The following PLXDC2 variants were observed in gnomAD, a reference collection of about 807,000 sequenced individuals.
PLXDC2 encodes the protein plexin domain containing 2, also known as plexin domain-containing protein 2.
PLXDC2 carries 40 observed loss-of-function variants against 68.9 expected under a neutral mutation model. That is an observed-to-expected ratio of 0.58 (90% confidence interval 0.45 to 0.76). The LOEUF (loss-of-function observed/expected upper bound fraction) is 0.76. Among genes scored for constraint, PLXDC2 ranks in the 30% least tolerant of loss-of-function variants. The pLI is 0.00. For missense variants in PLXDC2, 644 were observed against 661.9 expected (o/e 0.97, Z 0.30); for synonymous variants, 243 against 234.2 (o/e 1.04, Z -0.34).
At chr10:19,883,868 T>C (rs1837785803) in intron 1 of PLXDC2, among the ~76,000 whole-genome samples, 1 of 142,696 alleles carries the variant, frequency 7.0e-6, no homozygotes, top group Admixed American at 7.0e-5. Flanking sequence ...TATTACTGTC[T>C]CCAGATCCCT....
intron 9 of PLXDC2, among the ~76,000 whole-genome samples, chr10:20,206,692 A>G (rs1000289227): frequency 6.6e-6 from 1 of 152,130 alleles, no homozygotes; most frequent in African/African-American, 2.4e-5. Context: ...CTGAGTTCCA[A>G]TTGCCAGAGA....
At chr10:20,068,987 A>G (rs1014033525) in intron 4 of PLXDC2, among the ~76,000 whole-genome samples, 2 of 152,092 alleles carry the variant, frequency 1.3e-5, no homozygotes, top group Admixed American at 6.6e-5. Flanking sequence ...GAAGAAGGAG[A>G]AAAACACATA....
intron 4 of PLXDC2, among the ~76,000 whole-genome samples, chr10:20,120,199 G>T (rs574737277): frequency 6.6e-6 from 1 of 152,154 alleles, no homozygotes; most frequent in Admixed American, 6.5e-5. Context: ...GTCTAAGTTG[G>T]TCTGGTGTCT....
At chr10:19,924,334 C>T (rs1355961919) in intron 1 of PLXDC2, among the ~76,000 whole-genome samples, 1 of 152,132 alleles carries the variant, frequency 6.6e-6, no homozygotes, top group Non-Finnish European at 1.5e-5. Flanking sequence ...TCGCAGCCTC[C>T]CATTCCCAAC....
intron 12 of PLXDC2, among the ~76,000 whole-genome samples, chr10:20,223,307 A>G (rs997072423): frequency 1.5e-5 from 2 of 129,400 alleles, no homozygotes; most frequent in Non-Finnish European, 3.2e-5. Context: ...CTTTCACAGA[A>G]TTGAATTTTT....
chr10:20,125,186 A>C (rs1457867953), intron 4 of PLXDC2, among the ~76,000 whole-genome samples: 2 of 151,962 alleles, frequency 1.3e-5, no homozygotes, highest in African/African-American at 4.8e-5. Context: ...ATCCACTGGC[A>C]CTTGAGAAGC....
rs1242476276 is a variant in PLXDC2, at chr10:20,288,453, C to T, written c.*8634C>T. ...GACCTTCTGTTGAACGTACCTGAGCCTGCAAATGTAAAAATGATTGTATCT... is the reference window on the plus strand; with the variant it reads ...GACCTTCTGTTGAACGTACCTGAGCTTGCAAATGTAAAAATGATTGTATCT... On this transcript the variant is annotated 3_prime_UTR_variant, in exon 14 of 14. Transcript: ENST00000377252. 6.6e-6 allele frequency: 1 copy of T among 151,928 alleles called. No individual in the cohort carries two copies. The highest frequency in any genetic ancestry group is 6.6e-5 in the Admixed American group (1 of 15,262). The allele number at this position is 151,928 out of a possible 1,614,324, so 9.4% of individuals were successfully genotyped here.
intron 1 of PLXDC2, among the ~76,000 whole-genome samples, chr10:19,844,933 G>A (rs1836978041): frequency 6.6e-6 from 1 of 152,114 alleles, no homozygotes; most frequent in Non-Finnish European, 1.5e-5. Flanking sequence ...ACAGGGTACT[G>A]GACATTGGAA....
intron 3 of PLXDC2, among the ~76,000 whole-genome samples, chr10:20,057,968 A>G (rs1426064770): frequency 1.3e-5 from 2 of 152,122 alleles, no homozygotes; most frequent in East Asian, 1.9e-4. Context: ...TTTTGTAACT[A>G]TTCTTTCATT....
At chr10:20,068,918 A>G (rs1273957223) in intron 4 of PLXDC2, among the ~76,000 whole-genome samples, 9 of 152,134 alleles carry the variant, frequency 5.9e-5, no homozygotes, top group Non-Finnish European at 7.4e-5. Context: ...AAGCGCTACT[A>G]GAAGCGATAA....
At chr10:19,977,311 C>T (rs1024903603) in intron 1 of PLXDC2, among the ~76,000 whole-genome samples, 5 of 152,178 alleles carry the variant, frequency 3.3e-5, no homozygotes, top group African/African-American at 1.2e-4. Context: ...TTGTTAGATG[C>T]AGAATCTCTG....
chr10:20,068,938 C>A, intron 4 of PLXDC2, among the ~76,000 whole-genome samples: 1 of 151,978 alleles, frequency 6.6e-6, no homozygotes, highest in African/African-American at 2.4e-5. Context: ...AGGAAAATGC[C>A]AGGGAATATC....
chr10:19,882,054 G>A (rs1013083779), intron 1 of PLXDC2, among the ~76,000 whole-genome samples: 3 of 152,166 alleles, frequency 2.0e-5, no homozygotes, highest in African/African-American at 7.2e-5. Context: ...ACATGTTTCT[G>A]GTAATGTTGA....
intron 1 of PLXDC2, among the ~76,000 whole-genome samples, chr10:19,908,542 C>T (rs1441281373): frequency 6.6e-6 from 1 of 152,068 alleles, no homozygotes; most frequent in Admixed American, 6.6e-5. Context: ...TTGTCCTTTG[C>T]TTGGAGCCCA....
chr10:20,282,333 C>T lies in PLXDC2; in HGVS notation c.*2514C>T, dbSNP rs1203023532. ...TTGTTCTTGTTCCCATGTGAGAAAA[C>T]ATACAGTTTCTGAAAATTCAAAATG... On this transcript the variant is annotated 3_prime_UTR_variant, in exon 14 of 14. Coordinates refer to ENST00000377252, the MANE Select transcript of PLXDC2 (RefSeq NM_032812.9). 6.6e-6 allele frequency: 1 copy of T among 152,058 alleles called. No individual in the cohort carries two copies. Among genetic ancestry groups the T allele is most frequent in the Non-Finnish European group, 1.5e-5 (1 of 68,000 alleles). The allele number at this position is 152,058 out of a possible 1,614,324, so 9.4% of individuals were successfully genotyped here.
At chr10:20,002,076 A>C (rs1326554880) in intron 2 of PLXDC2, 90 bp downstream of exon 2, 3 of 1,283,164 alleles carry the variant, frequency 2.3e-6, no homozygotes, top group Non-Finnish European at 3.2e-6. Flanking sequence ...TTGTCTCTTC[A>C]TCTCAATCTA....
intron 1 of PLXDC2, among the ~76,000 whole-genome samples, chr10:19,935,589 A>G (rs1208455858): frequency 1.3e-5 from 2 of 152,206 alleles, no homozygotes; most frequent in Non-Finnish European, 2.9e-5. Context: ...GTGGTTAGCA[A>G]GAGGCAAAGA....
intron 4 of PLXDC2, among the ~76,000 whole-genome samples, chr10:20,094,646 A>G (rs1247499343): frequency 1.3e-5 from 2 of 152,180 alleles, no homozygotes; most frequent in Non-Finnish European, 2.9e-5. Flanking sequence ...ATCCTAACCT[A>G]GAATAGTTCA....
chr10:20,003,720 CT>C (rs1834979759), intron 2 of PLXDC2, among the ~76,000 whole-genome samples: 1 of 152,226 alleles, frequency 6.6e-6, no homozygotes, highest in Admixed American at 6.5e-5. Flanking sequence ...TCATGAGCCA[CT>C]GCACCCAGCA....
Sources: gnomAD v4.1 joint callset for allele counts (sites outside exome capture counted in the v4.1 genomes callset) on GRCh38, gnomAD v4.1.1 for gene constraint, MANE v1.5 for transcripts, NCBI Gene and HGNC (gene_info 2026-07-23, HGNC 2026-07-21) for gene names.